C1R: variants seen among roughly 807,000 people sequenced by gnomAD.
C1R encodes complement C1r subcomponent.
In C1R, 15 loss-of-function variants were observed where a neutral mutation model predicts 27.6. That is an observed-to-expected ratio of 0.54 (90% CI 0.36 to 0.84). The LOEUF (loss-of-function observed/expected upper bound fraction) is 0.84. Ranked by LOEUF, C1R falls within the 40% of genes least tolerant of loss-of-function variation. The pLI, the probability that C1R is intolerant of heterozygous loss-of-function variation, is 0.01. For missense variants in C1R, 544 were observed against 577.9 expected, an observed-to-expected ratio of 0.94 and a Z score of 0.60; for synonymous variants, 253 against 228.8, an observed-to-expected ratio of 1.11 and a Z score of -0.95.
chr12:7,087,856 C>T (rs1460140249), intron 7 of C1R: 1 of 155,038 alleles, frequency 6.5e-6, no homozygotes, highest in Non-Finnish European at 1.5e-5. Flanking sequence ...TCCTAGGTCT[C>T]TTCTTTGATT....
At chr12:7,081,473 CTTG>C in intron 10 of C1R, among the ~76,000 whole-genome samples, 172 bp from the exon 11 acceptor site, 1 of 148,716 alleles carries the variant, frequency 6.7e-6, no homozygotes, top group East Asian at 2.0e-4. Flanking sequence ...TCTTCTTGTT[CTTG>C]TTTTTTTTTT....
chr12:7,089,862 C>A, intron 3 of C1R, 129 bp from the exon 4 acceptor site: 1 of 711,624 alleles, frequency 1.4e-6, no homozygotes. Flanking sequence ...ACCTCCAGGC[C>A]TCTCCAATGC....
chr12:7,081,195 C>A lies in C1R; in HGVS notation c.1455G>T (p.Gly485=), dbSNP rs1177116880. 1.2e-6 allele frequency: 2 copies of A among 1,613,702 alleles called. No homozygotes were observed. Among genetic ancestry groups the A allele is most frequent in the African/African-American group, 2.7e-5 (2 of 75,068 alleles). Residue 485 remains glycine (G), a synonymous_variant, in exon 11 of 11, where the codon GGG becomes GGT. Transcript: ENST00000647956. The part of the protein sequence containing the change: ...FPWQVFTNIH[G]RGGGALLGDR... Reference sequence around the variant, plus strand: ...CGCCCAGCAGGGCCCCGCCCCCGCGCCCGTGGATGTTGGTGAACACCTGCC... The same window carrying A: ...CGCCCAGCAGGGCCCCGCCCCCGCGACCGTGGATGTTGGTGAACACCTGCC...
In C1R at chr12:7,081,249, C is replaced by A; in HGVS notation, c.1401G>T (p.Gly467=). The A allele has an allele frequency of 1.2e-6, 2 of 1,612,352 alleles. No homozygotes were observed. Among genetic ancestry groups the A allele is most frequent in the Non-Finnish European group, 1.7e-6 (2 of 1,179,160 alleles). Residue 467 remains glycine (G), a synonymous_variant, in exon 11 of 11, where the codon GGG becomes GGT. Coordinates refer to ENST00000647956, the MANE Select transcript of C1R (RefSeq NM_001733.7). ...GGAAGTTGCCCATCTTGGCTTTTTG[C>A]CCTCCGATGATGCGCTGCCTCTGTT... ...PVEQRQRIIG[G]QKAKMGNFPW... is the part of the protein sequence containing the mutation.
At chr12:7,084,839 G>C (rs1938114996) in intron 9 of C1R, among the ~76,000 whole-genome samples, 1 of 148,216 alleles carries the variant, frequency 6.7e-6, no homozygotes, top group East Asian at 2.0e-4. Context: ...AATGGTGTTG[G>C]TAATAGTGGT....
intron 7 of C1R, chr12:7,088,390 T>C: frequency 1.4e-6 from 1 of 701,252 alleles, no homozygotes; most frequent in South Asian, 1.5e-5. Context: ...CAGTGGCTAT[T>C]CACAGGGGCC....
chr12:7,090,482 C>T, intron 2 of C1R: 1 of 519,972 alleles, frequency 1.9e-6, no homozygotes, highest in Non-Finnish European at 3.4e-6. Flanking sequence ...GGTACCTCAC[C>T]CTTTCCCTGT....
rs1380337628 is a variant in C1R, at chr12:7,091,795, C to A, written c.3-115G>T. The A allele has an allele frequency of 2.8e-6, 2 of 711,068 alleles. No homozygotes were observed. The highest frequency in any genetic ancestry group is 5.2e-6 in the Non-Finnish European group (2 of 384,926). The allele number at this position is 711,068 out of a possible 1,614,324, so 44.0% of individuals were successfully genotyped here. A position where few individuals can be genotyped will look rare whatever the true frequency, so the allele number is the denominator to read the frequency against. On this transcript the variant is annotated intron_variant, in intron 1 of 10. Coordinates refer to ENST00000647956, the MANE Select transcript of C1R (RefSeq NM_001733.7). This position sits in a 1 kb window ranked among gnomAD's most constrained non-coding sequence, Gnocchi z 5.1. ...TACCACTGGGCATTCTCCTCTCTGC[C>A]CACCCTGAACCTCACAGACATGTTC...
intron 9 of C1R, among the ~76,000 whole-genome samples, chr12:7,083,294 G>GTGATGATGGTGTTGGTAATGGTGGTAA (rs1938097285): frequency 1.3e-5 from 1 of 75,442 alleles, no homozygotes; most frequent in African/African-American, 5.3e-5. Context: ...GGTGTTGGTA[G>GTGATGATGGTGTTGGTAATGGTGGTAA]TGATGATGGT....
At position 7,090,264 on chromosome 12, in the gene C1R, C is replaced by T; in HGVS notation, c.232-16G>A. ...CAGCAGAGATCTGGTGGAAGAAGGA[C>T]AGGGGGTAGGAAGAAGATCTGTTGC... is the stretch of plus-strand genomic sequence containing the variant. On this transcript the variant is annotated splice_polypyrimidine_tract_variant and intron_variant, in intron 2 of 10. Coordinates refer to ENST00000647956, the MANE Select transcript of C1R (RefSeq NM_001733.7). 1.4e-6 allele frequency: 1 copy of T among 720,332 alleles called. No homozygotes were observed. Among genetic ancestry groups the T allele is most frequent in the East Asian group, 2.6e-5 (1 of 37,760 alleles). The allele number at this position is 720,332 out of a possible 1,614,324, so 44.6% of individuals were successfully genotyped here.
intron 9 of C1R, among the ~76,000 whole-genome samples, chr12:7,085,210 GGTGGTGATAATGGTA>G (rs1475102415): frequency 2.0e-5 from 3 of 151,284 alleles, no homozygotes; most frequent in African/African-American, 4.9e-5. Flanking sequence ...TGGTAATGCT[GGTGGTGATAATGGTA>G]GTGGTGATGG....
In C1R at chr12:7,088,019, C is replaced by T. The variant is rs760835425; in HGVS notation, c.1038+591G>A. Among the ~76,000 whole-genome samples the T allele has an allele frequency of 5.9e-5, 9 of 152,256 alleles. No individual in the cohort carries two copies. The East Asian group carries it at 1.4e-3, about 23-fold the overall frequency. On this transcript the variant is annotated intron_variant, in intron 7 of 10. Coordinates refer to ENST00000647956, the MANE Select transcript of C1R (RefSeq NM_001733.7). ...CCTCCTGAATCTGCAGAGCCGAGGA[C>T]AGGACGGTGGGCGCAGGGGGAGACC... is the stretch of plus-strand genomic sequence containing the variant.
chr12:7,087,763 T>C (rs367636704), intron 7 of C1R: 2 of 154,558 alleles, frequency 1.3e-5, no homozygotes, highest in African/African-American at 4.8e-5. Context: ...TTCTTTTTAC[T>C]GAACCTCCCA....
chr12:7,084,784 G>A (rs1938113559), intron 9 of C1R, among the ~76,000 whole-genome samples: 1 of 147,554 alleles, frequency 6.8e-6, no homozygotes, highest in Non-Finnish European at 1.5e-5. Flanking sequence ...TGTTGGTGTT[G>A]GTAATCATGA....
Position 7,080,471 on chromosome 12 carries a change from T to A in C1R, c.*61A>T. Reference sequence around the variant, plus strand: ...TTAGTGGTTATCAACAACTGGTCAGTTGTTTTTTGTTTTTTTTTTTCCACA... The same window carrying A: ...TTAGTGGTTATCAACAACTGGTCAGATGTTTTTTGTTTTTTTTTTTCCACA... On this transcript the variant is annotated 3_prime_UTR_variant, in exon 11 of 11. Transcript: ENST00000647956. The surrounding 1 kb of genome is among the most constrained non-coding windows in gnomAD (Gnocchi z 4.9). The A allele has an allele frequency of 6.6e-7, 1 of 1,508,516 alleles. No homozygotes were observed. Among genetic ancestry groups the A allele is most frequent in the African/African-American group, 1.4e-5 (1 of 71,332 alleles). The allele number at this position is 1,508,516 out of a possible 1,614,324, so 93.4% of individuals were successfully genotyped here.
chr12:7,083,019 C>G (rs1327947909), intron 9 of C1R, among the ~76,000 whole-genome samples: 1 of 152,038 alleles, frequency 6.6e-6, no homozygotes, highest in Non-Finnish European at 1.5e-5. Context: ...TCCCTTTTTT[C>G]TGTGTTTCAA....
chr12:7,091,376 G>A lies in C1R; in HGVS notation c.231+76C>T, dbSNP rs951025685. The A allele has an allele frequency of 1.4e-6, 1 of 698,994 alleles. No homozygotes were observed. The highest frequency in any genetic ancestry group is 2.6e-6 in the Non-Finnish European group (1 of 380,764). 43.3% of individuals were successfully genotyped at this position (698,994 alleles called of 1,614,324 possible). A position where few individuals can be genotyped will look rare whatever the true frequency, so the allele number is the denominator to read the frequency against. ...TTGTGGGGCTGGGCTGTGTCTGGGGGTGTGCATGCCATACAGATCCCAGAT... is the reference window on the plus strand; with the variant it reads ...TTGTGGGGCTGGGCTGTGTCTGGGGATGTGCATGCCATACAGATCCCAGAT... On this transcript the variant is annotated intron_variant, in intron 2 of 10. Transcript: ENST00000647956. The surrounding 1 kb of genome is among the most constrained non-coding windows in gnomAD (Gnocchi z 5.1).
chr12:7,089,864 C>G (rs1430961248), intron 3 of C1R, 131 bp from the exon 4 acceptor site: 1 of 711,818 alleles, frequency 1.4e-6, no homozygotes, highest in South Asian at 1.5e-5. Flanking sequence ...CTCCAGGCCT[C>G]TCCAATGCTC....
chr12:7,088,534 A>G, intron 7 of C1R, 76 bp downstream of exon 7: 1 of 718,406 alleles, frequency 1.4e-6, no homozygotes, highest in Non-Finnish European at 2.6e-6. Flanking sequence ...GTGAGACTAA[A>G]TCCTCTGTGA....
Sources: gnomAD v4.1 joint callset for allele counts (sites outside exome capture counted in the v4.1 genomes callset) on GRCh38, gnomAD v4.1.1 for gene constraint, Gnocchi (gnomAD v3.1) non-coding constraint, MANE v1.5 for transcripts, NCBI Gene and HGNC (gene_info 2026-07-23, HGNC 2026-07-21) for gene names.